The following PLCXD3 variants were observed in gnomAD, a reference collection of about 807,000 sequenced individuals.
PLCXD3 encodes phosphatidylinositol specific phospholipase C X domain containing 3, also known as PI-PLC X domain-containing protein 3.
PLCXD3 carries 19 observed loss-of-function variants against 25.5 expected under a neutral mutation model. The ratio of observed to expected loss-of-function variants is 0.75; its 90% CI spans 0.52 to 1.09. PLCXD3 has a LOEUF of 1.09. Ranked by LOEUF, PLCXD3 falls within the 50% of genes least tolerant of loss-of-function variation. The pLI is 0.00. For missense variants in PLCXD3, 411 were observed against 388.1 expected, an observed-to-expected ratio of 1.06 and a Z score of -0.50; for synonymous variants, 174 against 137.6, an observed-to-expected ratio of 1.26 and a Z score of -1.85.
rs144560422 is a variant in PLCXD3 at position 41,366,177 on chromosome 5, G to A, written c.812+15649C>T. The stretch of plus-strand genomic sequence containing the variant: ...CTCATTGTTCAATTCCCACCTGAGT[G>A]AGAACATGCGCCCCACCTCAATTTT... On this transcript the variant is annotated intron_variant, in intron 2 of 2. Coordinates refer to ENST00000377801, the MANE Select transcript of PLCXD3 (RefSeq NM_001005473.3). 8.2e-3 allele frequency among the ~76,000 whole-genome samples: 1,241 copies of A among 151,990 alleles called. 20 individuals carry two copies. The highest frequency in any genetic ancestry group is 0.029 in the African/African-American group (1,199 of 41,448).
At chr5:41,502,627 G>A (rs970629142) in intron 1 of PLCXD3, among the ~76,000 whole-genome samples, 8 of 152,240 alleles carry the variant, frequency 5.3e-5, no homozygotes, top group Non-Finnish European at 1.2e-4. Flanking sequence ...CTCTCTGCCT[G>A]TATTGAACAC....
chr5:41,422,984 A>T (rs1746864587), intron 1 of PLCXD3, among the ~76,000 whole-genome samples: 1 of 152,042 alleles, frequency 6.6e-6, no homozygotes. Context: ...TTCTATTCTT[A>T]ATTTTCTAAA....
chr5:41,384,642 T>G (rs922295011), intron 1 of PLCXD3, among the ~76,000 whole-genome samples: 3 of 152,096 alleles, frequency 2.0e-5, no homozygotes, highest in African/African-American at 7.2e-5. Flanking sequence ...TCAATATGGC[T>G]TTAGTTTCAC....
chr5:41,471,833 C>CTCCCG (rs1748168511), intron 1 of PLCXD3, among the ~76,000 whole-genome samples: 2 of 5,506 alleles, frequency 3.6e-4, no homozygotes, highest in Non-Finnish European at 7.4e-4. Flanking sequence ...CTCCCCTCCC[C>CTCCCG]TCCCCTCCCC....
At chr5:41,408,232 C>G (rs1314922738) in intron 1 of PLCXD3, among the ~76,000 whole-genome samples, 3 of 152,124 alleles carry the variant, frequency 2.0e-5, no homozygotes, top group African/African-American at 7.2e-5. Flanking sequence ...ATAAGAGACC[C>G]AGGTATTACC....
intron 1 of PLCXD3, among the ~76,000 whole-genome samples, chr5:41,490,371 A>T (rs1219719824): frequency 6.6e-6 from 1 of 152,194 alleles, no homozygotes; most frequent in Non-Finnish European, 1.5e-5. Flanking sequence ...TTCAATGTTC[A>T]TCAAGGATAT....
chr5:41,406,023 A>G (rs769682226), intron 1 of PLCXD3, among the ~76,000 whole-genome samples: 3 of 152,190 alleles, frequency 2.0e-5, no homozygotes, highest in Non-Finnish European at 4.4e-5. Flanking sequence ...ATTCTATTAA[A>G]TAAGCAAATA....
At chr5:41,488,198 G>A (rs1046030210) in intron 1 of PLCXD3, among the ~76,000 whole-genome samples, 9 of 150,368 alleles carry the variant, frequency 6.0e-5, no homozygotes, top group African/African-American at 1.7e-4. Flanking sequence ...TTGTTCTTGC[G>A]ATAGTTTACT....
At chr5:41,379,269 C>T (rs1006965900) in intron 2 of PLCXD3, among the ~76,000 whole-genome samples, 1 of 152,026 alleles carries the variant, frequency 6.6e-6, no homozygotes, top group Non-Finnish European at 1.5e-5. Flanking sequence ...AAAAATAACA[C>T]ATTTTTATAT....
intron 2 of PLCXD3, among the ~76,000 whole-genome samples, chr5:41,376,848 G>T (rs377346464): frequency 2.0e-4 from 30 of 152,074 alleles, no homozygotes; most frequent in Non-Finnish European, 1.0e-4. Context: ...ATGCAGAGCC[G>T]TACTCATAGG....
intron 1 of PLCXD3, among the ~76,000 whole-genome samples, chr5:41,452,725 T>G (rs1747663579): frequency 6.6e-6 from 1 of 151,980 alleles, no homozygotes; most frequent in South Asian, 2.1e-4. Context: ...TGGTTAATGA[T>G]TTTTTTGTGC....
At chr5:41,398,632 G>A (rs908447004) in intron 1 of PLCXD3, among the ~76,000 whole-genome samples, 8 of 151,994 alleles carry the variant, frequency 5.3e-5, no homozygotes, top group South Asian at 2.1e-4. Context: ...AAAACTATAT[G>A]ATCATTTCAA....
intron 1 of PLCXD3, among the ~76,000 whole-genome samples, chr5:41,392,211 C>T (rs1039359303): frequency 2.0e-5 from 3 of 152,110 alleles, no homozygotes; most frequent in African/African-American, 7.2e-5. Context: ...GTGAACATAG[C>T]CAAGGAGTGG....
At chr5:41,506,878 A>G (rs369467836) in intron 1 of PLCXD3, among the ~76,000 whole-genome samples, 1 of 152,218 alleles carries the variant, frequency 6.6e-6, no homozygotes, top group Non-Finnish European at 1.5e-5. Flanking sequence ...TGAAGAAAAC[A>G]TGGATTCTTT....
chr5:41,439,360 G>T (rs1277909298), intron 1 of PLCXD3, among the ~76,000 whole-genome samples: 8 of 152,172 alleles, frequency 5.3e-5, no homozygotes, highest in Non-Finnish European at 1.2e-4. Flanking sequence ...TGTGCTAAAT[G>T]AAAGACTGCA....
At position 41,310,162 on chromosome 5, in the gene PLCXD3, T is replaced by TA. The variant is rs1298788615; in HGVS notation, c.*3454dup. On this transcript the variant is annotated 3_prime_UTR_variant, in exon 3 of 3. Transcript: ENST00000377801. The stretch of plus-strand genomic sequence containing the variant: ...ATTGAGGTCATCATATAGAATATCC[T>TA]AAGGCTTTTAAAAGATGCCTCCTCA... 1 of 152,166 alleles carries TA rather than the reference T, an allele frequency of 6.6e-6. No individual in the cohort carries two copies. Among genetic ancestry groups the TA allele is most frequent in the Non-Finnish European group, 1.5e-5 (1 of 68,020 alleles). 9.4% of individuals were successfully genotyped at this position (152,166 alleles called of 1,614,324 possible).
At chr5:41,403,288 T>A (rs1407105866) in intron 1 of PLCXD3, among the ~76,000 whole-genome samples, 3 of 150,796 alleles carry the variant, frequency 2.0e-5, no homozygotes, top group Non-Finnish European at 3.0e-5. Context: ...CTCTTTTTTT[T>A]TTTTTCTATT....
intron 2 of PLCXD3, among the ~76,000 whole-genome samples, chr5:41,360,041 T>C (rs1366830839): frequency 6.6e-6 from 1 of 152,188 alleles, no homozygotes; most frequent in Non-Finnish European, 1.5e-5. Context: ...TTTAAAAAAT[T>C]CTTTTTTATT....
At chr5:41,408,116 A>G (rs1158786033) in intron 1 of PLCXD3, among the ~76,000 whole-genome samples, 1 of 152,178 alleles carries the variant, frequency 6.6e-6, no homozygotes, top group East Asian at 1.9e-4. Context: ...CAAGAGGCAG[A>G]AAAAAAGAGC....
Sources: allele counts gnomAD v4.1 joint callset (sites outside exome capture counted in the v4.1 genomes callset), GRCh38; gene constraint gnomAD v4.1.1; transcripts MANE v1.5; gene names NCBI Gene and HGNC (gene_info 2026-07-23, HGNC 2026-07-21).